Variants in ZNF653 observed in about 807,000 individuals in gnomAD.
ZNF653 encodes the protein 67 kDa zinc finger protein.
A neutral mutation model predicts 59.9 loss-of-function variants in ZNF653; 37 were observed. The observed-to-expected ratio is 0.62, with a 90% CI of 0.48 to 0.81. The LOEUF (loss-of-function observed/expected upper bound fraction) is 0.81, where lower values mean the gene tolerates loss of function less well. ZNF653 is among the 40% of genes least tolerant of loss of function. The pLI is 0.00. For synonymous variants in ZNF653, 435 were observed against 371.8 expected (o/e 1.17, Z -1.96); for missense variants, 808 against 881.1 (o/e 0.92, Z 1.05).
At chr19:11,491,595 T>C (rs563092249) in intron 3 of ZNF653, among the ~76,000 whole-genome samples, 3 of 143,066 alleles carry the variant, frequency 2.1e-5, no homozygotes, top group East Asian at 3.9e-4. Context: ...TTGAATCCTC[T>C]TTTTTTTTTT....
At chr19:11,496,929 C>T (rs76657200) in intron 2 of ZNF653, among the ~76,000 whole-genome samples, 13 of 152,224 alleles carry the variant, frequency 8.5e-5, no homozygotes, top group East Asian at 7.7e-4. Flanking sequence ...GTCACCTCCC[C>T]GCCCTCACCC....
chr19:11,497,743 G>A (rs558458119), intron 2 of ZNF653, among the ~76,000 whole-genome samples: 1 of 152,336 alleles, frequency 6.6e-6, no homozygotes, highest in Admixed American at 6.5e-5. Context: ...GGGCAACAGA[G>A]TCGTCACCCA....
chr19:11,485,133 C>T (rs1971452517), intron 7 of ZNF653, among the ~76,000 whole-genome samples: 1 of 152,052 alleles, frequency 6.6e-6, no homozygotes, highest in Non-Finnish European at 1.5e-5. Context: ...AGCTCTGGCC[C>T]TCAGGGCATG....
chr19:11,504,554 TG>T, intron 1 of ZNF653: 2 of 985,432 alleles, frequency 2.0e-6, no homozygotes, highest in Non-Finnish European at 2.4e-6. Flanking sequence ...TAAGCCAGCC[TG>T]CTGTCCTGGG....
At position 11,483,619 on chromosome 19, in the gene ZNF653, C is replaced by T. The variant is rs773331362; in HGVS notation, c.*63G>A. Reference sequence around the variant, plus strand: ...GCGGCCCTCGCAGCTGTCCAGGCCCCGGCAAGCCCGGGCGTGGTGTCCGAG... The same window carrying T: ...GCGGCCCTCGCAGCTGTCCAGGCCCTGGCAAGCCCGGGCGTGGTGTCCGAG... On this transcript the variant is annotated 3_prime_UTR_variant, in exon 9 of 9. Transcript: ENST00000293771. 8 of 1,568,490 alleles carry T rather than the reference C, an allele frequency of 5.1e-6. No homozygotes were observed. The highest frequency in any genetic ancestry group is 1.2e-5 in the South Asian group (1 of 85,506).
At chr19:11,488,654 G>C (rs890383998) in intron 3 of ZNF653, among the ~76,000 whole-genome samples, 5 of 149,296 alleles carry the variant, frequency 3.3e-5, no homozygotes, top group African/African-American at 1.2e-4. Flanking sequence ...CTGGAGTGCA[G>C]TGGCGCAATA....
In ZNF653 at chr19:11,487,469, C is replaced by T; in HGVS notation, c.994G>A (p.Ala332Thr). ...GCCATGTTGAGGTGAATGCCCTCGG[C>T]CGTGAGAGCGTCGTAACCAGGGCCC... ...IAGPGYDALT[A>T]EGIHLNMAAG... The change falls in exon 4 of 9, where the codon GCC (alanine) becomes ACC (threonine). Residue 332 changes from alanine to threonine, a missense_variant. Ala to Thr is a moderately conservative substitution (Grantham distance 58). Coordinates refer to ENST00000293771, the MANE Select transcript of ZNF653 (RefSeq NM_138783.4). This position sits in a 1 kb window ranked among gnomAD's most constrained non-coding sequence, Gnocchi z 5.1. 2 of 1,613,396 alleles carry T rather than the reference C, an allele frequency of 1.2e-6. No homozygotes were observed. The highest frequency in any genetic ancestry group is 1.7e-6 in the Non-Finnish European group (2 of 1,179,970).
chr19:11,485,498 T>C (rs1327599091), intron 7 of ZNF653, among the ~76,000 whole-genome samples, 158 bp downstream of exon 7: 1 of 152,082 alleles, frequency 6.6e-6, no homozygotes, highest in Non-Finnish European at 1.5e-5. Context: ...GTGGCTCACA[T>C]AGCTACAGCT....
Position 11,505,468 on chromosome 19 carries a change from T to C in ZNF653, c.299+20A>G, listed in dbSNP as rs1447162730. 3 of 1,442,848 alleles carry C rather than the reference T, an allele frequency of 2.1e-6. No individual in the cohort carries two copies. The highest frequency in any genetic ancestry group is 2.7e-6 in the Non-Finnish European group (3 of 1,109,966). The allele number at this position is 1,442,848 out of a possible 1,614,324, so 89.4% of individuals were successfully genotyped here. ...TGGGGGCGTCTCCTCCCTCCCTCCC[T>C]CGGGGCCAGGCCCCCTCACCCGTGG... On this transcript the variant is annotated intron_variant, in intron 1 of 8. Transcript: ENST00000293771.
In ZNF653 at chr19:11,505,558, C is replaced by T; in HGVS notation, c.229G>A (p.Gly77Ser). The change falls in exon 1 of 9, where the codon GGC becomes AGC. Residue 77 changes from glycine (G) to serine (S), a missense_variant. Physicochemically the swap from Gly to Ser is moderately conservative, Grantham distance 56. Transcript: ENST00000293771. ...GPWVDLRRRS[G>S]WSDAKLAAYL... ...GCGGCGAGCTTGGCGTCGCTCCAGC[C>T]GCTGCGGCGCCGCAGGTCCACCCAG... The T allele has an allele frequency of 6.6e-7, 1 of 1,514,218 alleles. No homozygotes were observed. Among genetic ancestry groups the T allele is most frequent in the South Asian group, 1.2e-5 (1 of 81,128 alleles). The allele number at this position is 1,514,218 out of a possible 1,614,324, so 93.8% of individuals were successfully genotyped here.
Position 11,485,681 on chromosome 19 carries a change from C to T in ZNF653, c.1545G>A (p.Leu515=), listed in dbSNP as rs759496384. 1 of 1,614,042 alleles carries T rather than the reference C, an allele frequency of 6.2e-7. No homozygotes were observed. The highest frequency in any genetic ancestry group is 1.1e-5 in the South Asian group (1 of 91,090). The change falls in exon 7 of 9, where the codon CTG becomes CTA. Residue 515 remains leucine (L), a synonymous_variant. Transcript: ENST00000293771. The part of the protein sequence containing the change: ...CGKKFYLSNH[L]RRHMIIHSGV... ...CTGAATGGATGATCATGTGCCGCCG[C>T]AGGTGGTTGGATAAATAGAACTTCT... is the stretch of plus-strand genomic sequence containing the variant.
At position 11,505,811 on chromosome 19, in the gene ZNF653, C is replaced by A. The variant is rs567008758; in HGVS notation, c.-25G>T. The A allele has an allele frequency of 2.1e-5, 28 of 1,364,316 alleles. No homozygotes were observed. Among genetic ancestry groups the A allele is most frequent in the African/African-American group, 1.5e-4 (10 of 64,892 alleles). 84.5% of individuals were successfully genotyped at this position (1,364,316 alleles called of 1,614,324 possible). A position where few individuals can be genotyped will look rare whatever the true frequency, so the allele number is the denominator to read the frequency against. On this transcript the variant is annotated 5_prime_UTR_variant, in exon 1 of 9. Coordinates refer to ENST00000293771, the MANE Select transcript of ZNF653 (RefSeq NM_138783.4). The stretch of plus-strand genomic sequence containing the variant: ...TCCCCCCCACCCTGGTTACCAGCCT[C>A]CCCCGTTGTTAGGAGCCAGACCGGA...
Position 11,487,883 on chromosome 19 carries a change from C to T in ZNF653, c.580G>A (p.Gly194Ser), listed in dbSNP as rs776338172. The T allele has an allele frequency of 3.1e-6, 5 of 1,594,924 alleles. No homozygotes were observed. In the East Asian group the frequency reaches 1.1e-4, roughly 36 times the overall value. Residue 194 changes from glycine to serine, a missense_variant, in exon 4 of 9, where the codon GGC becomes AGC. Coordinates refer to ENST00000293771, the MANE Select transcript of ZNF653 (RefSeq NM_138783.4). This position sits in a 1 kb window ranked among gnomAD's most constrained non-coding sequence, Gnocchi z 5.1. ...SDKVGNGLVAGSSDSSSSGSA... is the reference protein window; with the variant it reads ...SDKVGNGLVASSSDSSSSGSA... ...CCAGAGCTGGATGAGTCAGAGCTGC[C>T]AGCCACCAGCCCATTGCCCACTGTG... is the stretch of plus-strand genomic sequence containing the variant.
rs758325128 is a variant in ZNF653 at position 11,495,993 on chromosome 19, C to T, written c.516G>A (p.Ser172=). 3.7e-6 allele frequency: 6 copies of T among 1,614,112 alleles called. No homozygotes were observed. The East Asian group carries it at 1.1e-4, about 30-fold the overall frequency. The change falls in exon 3 of 9, where the codon TCG becomes TCA. Residue 172 remains serine (S), a synonymous_variant. Coordinates refer to ENST00000293771, the MANE Select transcript of ZNF653 (RefSeq NM_138783.4). This position sits in a 1 kb window ranked among gnomAD's most constrained non-coding sequence, Gnocchi z 4.9. ...AGHRYFQDLH[S]PLKPLSDSDP... is the part of the protein sequence containing the mutation. ...CTGAGTCGCTGAGGGGCTTCAGGGG[C>T]GAATGCAGGTCCTGGAAGTAGCGGT... is the stretch of plus-strand genomic sequence containing the variant.
intron 1 of ZNF653, among the ~76,000 whole-genome samples, chr19:11,504,284 C>T (rs1415321948): frequency 6.6e-6 from 1 of 152,056 alleles, no homozygotes; most frequent in Non-Finnish European, 1.5e-5. Context: ...GGCTGCAGTC[C>T]CAGCTACTTG....
At chr19:11,498,456 C>CCTTTT (rs60785386) in intron 1 of ZNF653, 117 bp from the exon 2 acceptor site, 58,193 of 1,397,424 alleles carry the variant, frequency 0.042, 1,967 homozygotes, top group African/African-American at 0.17. Context: ...TAAATCTGAA[C>CCTTTT]TTTTTGAGAT....
chr19:11,488,070 C>G (rs1004050625), intron 3 of ZNF653, among the ~76,000 whole-genome samples, 167 bp from the exon 4 acceptor site: 2 of 151,732 alleles, frequency 1.3e-5, no homozygotes, highest in African/African-American at 4.9e-5. Context: ...TCACTGCAAC[C>G]TTGGCATCCC....
At chr19:11,490,139 C>T (rs1473573356) in intron 3 of ZNF653, among the ~76,000 whole-genome samples, 1 of 152,168 alleles carries the variant, frequency 6.6e-6, no homozygotes, top group Non-Finnish European at 1.5e-5. Context: ...TCCATGACCC[C>T]ATCCTCAGGT....
chr19:11,485,869 G>A, intron 6 of ZNF653, 99 bp from the exon 7 acceptor site: 1 of 908,428 alleles, frequency 1.1e-6, no homozygotes. Context: ...GCTGGGGCTG[G>A]CCTCCCCAGG....
Sources: gnomAD v4.1 joint callset for allele counts (sites outside exome capture counted in the v4.1 genomes callset) on GRCh38, gnomAD v4.1.1 for gene constraint, Gnocchi (gnomAD v3.1) non-coding constraint, MANE v1.5 for transcripts, NCBI Gene and HGNC (gene_info 2026-07-23, HGNC 2026-07-21) for gene names.